FBN2: variants seen among roughly 807,000 people sequenced by gnomAD.
FBN2 encodes the protein fibrillin-2.
Under a neutral mutation model 355.6 loss-of-function variants are expected in FBN2, and 105 were observed. The observed-to-expected ratio is 0.30, with a 90% confidence interval of 0.25 to 0.35. The LOEUF is 0.35. Among genes scored for constraint, FBN2 ranks in the 10% least tolerant of loss-of-function variants. FBN2 has a pLI of 1.00. For missense variants in FBN2, 3,280 were observed against 3,758.7 expected, an observed-to-expected ratio of 0.87 and a Z score of 3.33; for synonymous variants, 1,350 against 1,301.2, an observed-to-expected ratio of 1.04 and a Z score of -0.81.
intron 11 of FBN2, 32 bp from the exon 12 acceptor site, chr5:128,378,922 TCACTC>T: frequency 6.2e-7 from 1 of 1,611,944 alleles, no homozygotes; most frequent in Non-Finnish European, 8.5e-7. Flanking sequence ...ATTATAGACT[TCACTC>T]CATTTGTAGA....
In FBN2 at chr5:128,393,246, C is replaced by G. The variant is rs771069771; in HGVS notation, c.1354G>C (p.Gly452Arg). 1 of 1,614,136 alleles carries G rather than the reference C, an allele frequency of 6.2e-7. No individual in the cohort carries two copies. The highest frequency in any genetic ancestry group is 1.1e-5 in the South Asian group (1 of 91,088). ...FAPSGNGNGY[G>R]PGGTGFIPIP... ...GGGATGAAGCCTGTCCCTCCTGGGC[C>G]ATAGCCATTGCCATTGCCACTTGGG... Residue 452 changes from glycine (G) to arginine (R), a missense_variant, in exon 10 of 65, where the codon GGC (glycine) becomes CGC (arginine). Coordinates refer to ENST00000262464, the MANE Select transcript of FBN2 (RefSeq NM_001999.4).
chr5:128,453,029 A>C (rs1488544343), intron 6 of FBN2, among the ~76,000 whole-genome samples: 2 of 152,212 alleles, frequency 1.3e-5, no homozygotes, highest in Non-Finnish European at 2.9e-5. Flanking sequence ...GCAACTAAAT[A>C]ATAGGTCTAT....
chr5:128,268,833 T>G (rs1472678016), intron 62 of FBN2, among the ~76,000 whole-genome samples: 1 of 152,186 alleles, frequency 6.6e-6, no homozygotes, highest in Non-Finnish European at 1.5e-5. Flanking sequence ...CATCTCTTCA[T>G]GTTAAAAACT....
intron 1 of FBN2, 111 bp downstream of exon 1, chr5:128,537,239 C>G: frequency 6.7e-7 from 1 of 1,499,130 alleles, no homozygotes; most frequent in Non-Finnish European, 8.9e-7. Context: ...GGCTGCAGCT[C>G]TAGGCTCCAG....
intron 48 of FBN2, among the ~76,000 whole-genome samples, chr5:128,295,260 C>G (rs1749470318): frequency 6.6e-6 from 1 of 151,738 alleles, no homozygotes; most frequent in African/African-American, 2.4e-5. Flanking sequence ...AGTTTGAAGT[C>G]AGGTAGTGTG....
intron 7 of FBN2, among the ~76,000 whole-genome samples, chr5:128,424,750 C>A (rs1753442354): frequency 6.6e-6 from 1 of 152,114 alleles, no homozygotes; most frequent in African/African-American, 2.4e-5. Context: ...CCCTTTTGGC[C>A]TGAAATCAAT....
chr5:128,314,915 T>TA (rs1033752329), intron 36 of FBN2, among the ~76,000 whole-genome samples: 8 of 151,482 alleles, frequency 5.3e-5, no homozygotes, highest in Middle Eastern at 3.4e-3. Flanking sequence ...TAATTGCTTT[T>TA]AAAAAAAAAC....
chr5:128,408,572 A>G, intron 8 of FBN2, 102 bp downstream of exon 8: 1 of 1,372,430 alleles, frequency 7.3e-7, no homozygotes, highest in South Asian at 1.2e-5. Context: ...TCATTCAGCC[A>G]TTTCTTCAAT....
In FBN2 at chr5:128,310,386, ATATATATATATATATATTTTT is replaced by A. The variant is rs1354644213; in HGVS notation, c.5075-299_5075-279del. On this transcript the variant is annotated intron_variant, in intron 39 of 64. Transcript: ENST00000262464. ...GGCACATATATATATATATATATAT[ATATATATATATATATATTTTT>A]TTTTTTTTTTTTTTATTGCAATTCG... 0.26 allele frequency among the ~76,000 whole-genome samples: 8,057 copies of A among 31,388 alleles called. 636 individuals carry two copies. The highest frequency in any genetic ancestry group is 0.58 in the East Asian group (2,029 of 3,482). The allele number at this position is 31,388 out of a possible 152,430, so 20.6% of individuals were successfully genotyped here.
intron 7 of FBN2, among the ~76,000 whole-genome samples, chr5:128,415,333 T>G (rs1410447020): frequency 6.6e-6 from 1 of 152,210 alleles, no homozygotes. Context: ...TTGTACACAT[T>G]AAGTAACTTC....
chr5:128,466,598 T>C (rs576982248), intron 5 of FBN2, among the ~76,000 whole-genome samples: 2 of 152,350 alleles, frequency 1.3e-5, no homozygotes, highest in East Asian at 3.9e-4. Context: ...AGAATGAGGC[T>C]GTCTCCGACA....
At chr5:128,342,792 G>T (rs866889812) in intron 25 of FBN2, among the ~76,000 whole-genome samples, 1 of 151,508 alleles carries the variant, frequency 6.6e-6, no homozygotes, top group Admixed American at 6.6e-5. Context: ...GCAATAGCAC[G>T]ATCTCGGCTC....
chr5:128,493,708 T>G (rs1755572404), intron 5 of FBN2, among the ~76,000 whole-genome samples: 2 of 152,294 alleles, frequency 1.3e-5, no homozygotes, highest in African/African-American at 4.8e-5. Flanking sequence ...TGTGTGATAC[T>G]GGAAGGATGA....
intron 20 of FBN2, among the ~76,000 whole-genome samples, chr5:128,353,902 C>T (rs890405780): frequency 2.0e-5 from 3 of 152,146 alleles, no homozygotes; most frequent in East Asian, 1.9e-4. Flanking sequence ...TGTATCAACA[C>T]TTGAAAAGCT....
At chr5:128,377,935 A>G (rs1012764886) in intron 12 of FBN2, 58 bp from the exon 13 acceptor site, 14 of 1,480,392 alleles carry the variant, frequency 9.5e-6, no homozygotes, top group African/African-American at 5.5e-5. Context: ...AGATAAACAC[A>G]GTAAGATAAG....
At chr5:128,380,421 T>A (rs1028377386) in intron 11 of FBN2, among the ~76,000 whole-genome samples, 3 of 152,090 alleles carry the variant, frequency 2.0e-5, no homozygotes, top group African/African-American at 7.2e-5. Context: ...CACTCCCCTC[T>A]CTTTAGGTAA....
At chr5:128,507,495 T>G (rs745518258) in intron 5 of FBN2, among the ~76,000 whole-genome samples, 2 of 152,088 alleles carry the variant, frequency 1.3e-5, no homozygotes, top group Non-Finnish European at 2.9e-5. Flanking sequence ...CTTTTTAAGT[T>G]CATATTATTT....
chr5:128,292,477 C>T lies in FBN2; in HGVS notation c.6167-823G>A, dbSNP rs186581294. ...CATGTCTGTCTGGCTCGCTGTTGCA[C>T]CTTTAGCTCCTAGCACGGTATCTGG... On this transcript the variant is annotated intron_variant, in intron 48 of 64. Coordinates refer to ENST00000262464, the MANE Select transcript of FBN2 (RefSeq NM_001999.4). 2.1e-3 allele frequency among the ~76,000 whole-genome samples: 327 copies of T among 152,204 alleles called. 1 individual carries two copies. Among genetic ancestry groups the T allele is most frequent in the African/African-American group, 7.5e-3 (310 of 41,534 alleles).
At chr5:128,331,382 C>A (rs1376385283) in intron 32 of FBN2, among the ~76,000 whole-genome samples, 1 of 151,824 alleles carries the variant, frequency 6.6e-6, no homozygotes, top group African/African-American at 2.4e-5. Context: ...TGGTAAGACA[C>A]CAAGGAGGAA....
Sources: allele counts gnomAD v4.1 joint callset (sites outside exome capture counted in the v4.1 genomes callset), GRCh38; gene constraint gnomAD v4.1.1; transcripts MANE v1.5; gene names NCBI Gene and HGNC (gene_info 2026-07-23, HGNC 2026-07-21).